Variants in HSD17B12 observed in about 807,000 individuals in gnomAD.
HSD17B12 encodes very-long-chain 3-oxoacyl-CoA reductase.
HSD17B12 carries 32 observed loss-of-function variants against 39.3 expected under a neutral mutation model. That is an observed-to-expected ratio of 0.81 (90% CI 0.61 to 1.09). The LOEUF (loss-of-function observed/expected upper bound fraction) is 1.09, where lower values mean the gene tolerates loss of function less well. HSD17B12 is among the 50% of genes least tolerant of loss of function. The pLI, the probability that HSD17B12 is intolerant of heterozygous loss-of-function variation, is 0.00. For missense variants in HSD17B12, 342 were observed against 382.9 expected (o/e 0.89, Z 0.89); for synonymous variants, 150 against 146.7 (o/e 1.02, Z -0.16).
chr11:43,690,398 A>ATTTTTTTT (rs1303064530), intron 1 of HSD17B12, among the ~76,000 whole-genome samples: 11 of 27,476 alleles, frequency 4.0e-4, no homozygotes, highest in African/African-American at 4.8e-4. Context: ...ATATATATAT[A>ATTTTTTTT]TATATATTTT....
chr11:43,746,736 C>G (rs1033433697), intron 1 of HSD17B12, among the ~76,000 whole-genome samples: 25 of 152,198 alleles, frequency 1.6e-4, no homozygotes, highest in Non-Finnish European at 2.9e-5. Context: ...ATGTGTTCTA[C>G]TTTTCTATTA....
chr11:43,834,673 A>G (rs906155597), intron 7 of HSD17B12, among the ~76,000 whole-genome samples: 4 of 152,152 alleles, frequency 2.6e-5, no homozygotes, highest in Non-Finnish European at 5.9e-5. Context: ...TTTTTAATCC[A>G]GGTGACAATT....
At chr11:43,757,627 G>A (rs111415232) in intron 3 of HSD17B12, among the ~76,000 whole-genome samples, 9,371 of 82,504 alleles carry the variant, frequency 0.11, 600 homozygotes, top group Middle Eastern at 0.32. Flanking sequence ...GCGACAGAGC[G>A]AGACTCCGTC....
At chr11:43,829,082 T>C (rs1278019800) in intron 6 of HSD17B12, among the ~76,000 whole-genome samples, 1 of 152,078 alleles carries the variant, frequency 6.6e-6, no homozygotes, top group Admixed American at 6.5e-5. Context: ...TTTGACAGAT[T>C]AAAAAAAGAT....
At chr11:43,623,045 C>A in the HSD17B12 span, among the ~76,000 whole-genome samples, 2 of 151,882 alleles carry the variant, frequency 1.3e-5, no homozygotes, top group Admixed American at 1.3e-4. Flanking sequence ...TTTTGTGGGC[C>A]TCAATAATAC....
At chr11:43,814,794 A>T (rs1489298159) in intron 4 of HSD17B12, among the ~76,000 whole-genome samples, 1 of 151,930 alleles carries the variant, frequency 6.6e-6, no homozygotes, top group Non-Finnish European at 1.5e-5. Flanking sequence ...CTCCCATGGC[A>T]CTCTGTTCTG....
intron 1 of HSD17B12, among the ~76,000 whole-genome samples, chr11:43,710,623 A>G (rs780296370): frequency 5.3e-5 from 8 of 152,196 alleles, no homozygotes; most frequent in Non-Finnish European, 1.0e-4. Flanking sequence ...ATTCTGAACT[A>G]TAACTGACTC....
rs929842694 is a variant in HSD17B12 at position 43,793,868 on chromosome 11, G to A, written c.284-4452G>A. 5.9e-5 allele frequency among the ~76,000 whole-genome samples: 9 copies of A among 152,282 alleles called. No individual in the cohort carries two copies. In the East Asian group the frequency reaches 7.7e-4, roughly 13 times the overall value. On this transcript the variant is annotated intron_variant, in intron 3 of 10. Coordinates refer to ENST00000278353, the MANE Select transcript of HSD17B12 (RefSeq NM_016142.3). ...ATATTCATTATTCTATAGCACTATCGTTATAAATAATATTTGCTTTCTGCT... is the reference window on the plus strand; with the variant it reads ...ATATTCATTATTCTATAGCACTATCATTATAAATAATATTTGCTTTCTGCT...
At chr11:43,616,916 G>A in the HSD17B12 span, among the ~76,000 whole-genome samples, 1 of 147,648 alleles carries the variant, frequency 6.8e-6, no homozygotes, top group Non-Finnish European at 1.5e-5. Context: ...AGGTTGCAGT[G>A]AGCCAAGATT....
chr11:43,713,105 G>A (rs371516537), intron 1 of HSD17B12, among the ~76,000 whole-genome samples: 1 of 152,134 alleles, frequency 6.6e-6, no homozygotes, highest in Non-Finnish European at 1.5e-5. Flanking sequence ...TATCTACACT[G>A]TACAATTTGG....
At chr11:43,751,815 A>G (rs972729477) in intron 2 of HSD17B12, among the ~76,000 whole-genome samples, 11 of 152,202 alleles carry the variant, frequency 7.2e-5, no homozygotes, top group African/African-American at 2.7e-4. Flanking sequence ...TATAGACATA[A>G]CAGTTCACCC....
At chr11:43,569,221 C>T in the HSD17B12 span, 2 of 152,188 alleles carry the variant, frequency 1.3e-5, no homozygotes, top group South Asian at 2.1e-4. Flanking sequence ...AGACATCACT[C>T]AGCTCCCCAC....
chr11:43,643,153 TC>T, the HSD17B12 span, among the ~76,000 whole-genome samples: 2 of 152,104 alleles, frequency 1.3e-5, no homozygotes, highest in African/African-American at 4.8e-5. Context: ...TTGGGAGAAT[TC>T]TAGTTGTTGC....
At chr11:43,771,669 G>GGCC in intron 3 of HSD17B12, among the ~76,000 whole-genome samples, 1 of 151,868 alleles carries the variant, frequency 6.6e-6, no homozygotes, top group African/African-American at 2.4e-5. Context: ...GCTTCACCAT[G>GGCC]TTGACCACAC....
chr11:43,559,248 G>GA, the HSD17B12 span, among the ~76,000 whole-genome samples: 13 of 151,514 alleles, frequency 8.6e-5, no homozygotes, highest in Middle Eastern at 3.2e-3. Flanking sequence ...GTGGTTACAA[G>GA]AAAAAAAAAT....
intron 3 of HSD17B12, among the ~76,000 whole-genome samples, chr11:43,774,456 G>GC (rs928189192): frequency 3.8e-4 from 58 of 152,044 alleles, no homozygotes; most frequent in African/African-American, 1.2e-3. Flanking sequence ...CTCATGATCT[G>GC]CCCCCCACGG....
At chr11:43,772,533 T>C (rs569647701) in intron 3 of HSD17B12, among the ~76,000 whole-genome samples, 8 of 152,346 alleles carry the variant, frequency 5.3e-5, no homozygotes, top group South Asian at 4.1e-4. Context: ...TCATTTTACA[T>C]AGCAACATTG....
chr11:43,732,653 C>T (rs569691685), intron 1 of HSD17B12, among the ~76,000 whole-genome samples: 1 of 152,162 alleles, frequency 6.6e-6, no homozygotes, highest in East Asian at 1.9e-4. Context: ...TTTGTAGAGA[C>T]AGGGTCTTGC....
the HSD17B12 span, among the ~76,000 whole-genome samples, chr11:43,623,753 T>C: frequency 6.6e-6 from 1 of 151,990 alleles, no homozygotes; most frequent in Non-Finnish European, 1.5e-5. Context: ...AGATTGGTGG[T>C]GAGCTTTTTA....
Sources: allele counts gnomAD v4.1 joint callset (sites outside exome capture counted in the v4.1 genomes callset), GRCh38; gene constraint gnomAD v4.1.1; transcripts MANE v1.5; gene names NCBI Gene and HGNC (gene_info 2026-07-23, HGNC 2026-07-21).